Variants in CCDC73 observed in about 807,000 individuals in gnomAD.
The protein encoded by CCDC73 is coiled-coil domain-containing protein 73.
In CCDC73, 95 loss-of-function variants were observed where a neutral mutation model predicts 116.5. That is an observed-to-expected ratio of 0.82 (90% confidence interval 0.69 to 0.97). The LOEUF is 0.97. Ranked by LOEUF, CCDC73 falls within the 50% of genes least tolerant of loss-of-function variation. The pLI, the probability that CCDC73 is intolerant of heterozygous loss-of-function variation, is 0.00. For synonymous variants in CCDC73, 398 were observed against 401.3 expected (o/e 0.99, Z 0.10); for missense variants, 1,066 against 1,206.8 (o/e 0.88, Z 1.73).
At chr11:32,667,159 G>A (rs934044246) in intron 9 of CCDC73, among the ~76,000 whole-genome samples, 7 of 152,192 alleles carry the variant, frequency 4.6e-5, no homozygotes, top group South Asian at 4.1e-4. Context: ...CTCAAACTCC[G>A]TGCTGGGAGA....
At chr11:32,647,331 A>T (rs1855787633) in intron 12 of CCDC73, among the ~76,000 whole-genome samples, 1 of 152,112 alleles carries the variant, frequency 6.6e-6, no homozygotes, top group South Asian at 2.1e-4. Context: ...AAACAACCAG[A>T]TCTCGTGAAA....
intron 2 of CCDC73, among the ~76,000 whole-genome samples, chr11:32,743,022 T>C (rs902909167): frequency 2.0e-5 from 3 of 152,220 alleles, no homozygotes; most frequent in Admixed American, 1.3e-4. Context: ...TATATATCTG[T>C]TTTGGTACCA....
At chr11:32,639,665 T>C (rs560380881) in intron 13 of CCDC73, among the ~76,000 whole-genome samples, 29 of 152,260 alleles carry the variant, frequency 1.9e-4, no homozygotes, top group African/African-American at 6.5e-4. Context: ...GCCAGGTTTG[T>C]CTTGAACTCC....
chr11:32,611,073 C>A (rs1180584726), intron 17 of CCDC73, 59 bp downstream of exon 17: 2 of 1,566,966 alleles, frequency 1.3e-6, no homozygotes, highest in Non-Finnish European at 1.7e-6. Context: ...TACAGTTCTA[C>A]ACATATCTGT....
intron 3 of CCDC73, among the ~76,000 whole-genome samples, chr11:32,704,143 G>A (rs1202912430): frequency 7.9e-5 from 12 of 152,270 alleles, no homozygotes; most frequent in East Asian, 7.7e-4. Context: ...CTAAGTTGGC[G>A]GGGCAGGAGC....
intron 1 of CCDC73, among the ~76,000 whole-genome samples, chr11:32,760,986 T>G (rs1850386946): frequency 6.6e-6 from 1 of 152,230 alleles, no homozygotes; most frequent in South Asian, 2.1e-4. Context: ...TGCATGTGTC[T>G]GTGTGTATAT....
chr11:32,747,503 C>A (rs545650830), intron 2 of CCDC73, among the ~76,000 whole-genome samples: 1 of 152,350 alleles, frequency 6.6e-6, no homozygotes, highest in East Asian at 1.9e-4. Context: ...AAGCTATCTG[C>A]TGCCTTTTGT....
chr11:32,830,206 A>AG, the CCDC73 span: 1 of 1,072,822 alleles, frequency 9.3e-7, no homozygotes, highest in Non-Finnish European at 1.1e-6. Context: ...CTCGGCGGGG[A>AG]GGGGGTTACC....
intron 14 of CCDC73, among the ~76,000 whole-genome samples, chr11:32,628,462 A>C (rs1394005113): frequency 1.3e-5 from 2 of 152,222 alleles, no homozygotes; most frequent in Non-Finnish European, 1.5e-5. Flanking sequence ...GTAAAAGTCC[A>C]TGAAGACTTG....
In CCDC73 at chr11:32,699,237, G is replaced by A. The variant is rs77420535; in HGVS notation, c.390+14C>T. On this transcript the variant is annotated intron_variant, in intron 6 of 17. Coordinates refer to ENST00000335185, the MANE Select transcript of CCDC73 (RefSeq NM_001008391.4). Reference sequence around the variant, plus strand: ...TACCAAACTACTTTTTAAACAATACGTAGTTATTTTTACCTGTAGTGCTTT... The same window carrying A: ...TACCAAACTACTTTTTAAACAATACATAGTTATTTTTACCTGTAGTGCTTT... 1,434 of 1,568,056 alleles carry A rather than the reference G, an allele frequency of 9.1e-4. 9 individuals are homozygous for A. The African/African-American group carries it at 0.017, about 18-fold the overall frequency.
chr11:32,660,028 A>T (rs1321363418), intron 9 of CCDC73, among the ~76,000 whole-genome samples: 1 of 152,104 alleles, frequency 6.6e-6, no homozygotes, highest in Non-Finnish European at 1.5e-5. Flanking sequence ...TTGGAGACGG[A>T]ATGAGGTGGA....
chr11:32,768,957 C>G lies in CCDC73; in HGVS notation c.-15-8699G>C, dbSNP rs888483982. On this transcript the variant is annotated intron_variant, in intron 1 of 17. Coordinates refer to ENST00000335185, the MANE Select transcript of CCDC73 (RefSeq NM_001008391.4). ...AGGATATCCAAATGGCCAATACACC[C>G]AGGAAAAGGTACTAGCTTCATTAGT... Among the ~76,000 whole-genome samples, 8 of 152,272 alleles carry G rather than the reference C, an allele frequency of 5.3e-5. 1 individual carries two copies. Among genetic ancestry groups the G allele is most frequent in the Admixed American group, 3.3e-4 (5 of 15,290 alleles).
intron 2 of CCDC73, among the ~76,000 whole-genome samples, chr11:32,745,279 G>C (rs1033321060): frequency 6.6e-6 from 1 of 151,988 alleles, no homozygotes; most frequent in African/African-American, 2.4e-5. Context: ...ACAGTTTGTT[G>C]TGATTTCTGT....
At chr11:32,659,481 G>A (rs898463192) in intron 9 of CCDC73, among the ~76,000 whole-genome samples, 1 of 152,162 alleles carries the variant, frequency 6.6e-6, no homozygotes, top group Non-Finnish European at 1.5e-5. Context: ...TCCTTACAGA[G>A]TTTTGGAAGA....
At chr11:32,722,559 A>C (rs1849999085) in intron 2 of CCDC73, among the ~76,000 whole-genome samples, 1 of 152,226 alleles carries the variant, frequency 6.6e-6, no homozygotes, top group Admixed American at 6.5e-5. Flanking sequence ...AAATGAGGAG[A>C]GATTACAATC....
At chr11:32,814,490 AG>A in the CCDC73 span, among the ~76,000 whole-genome samples, 1 of 152,220 alleles carries the variant, frequency 6.6e-6, no homozygotes, top group African/African-American at 2.4e-5. Context: ...AAAGAAAGAA[AG>A]CCCCTAAGAT....
intron 6 of CCDC73, among the ~76,000 whole-genome samples, chr11:32,692,912 T>G (rs1338020663): frequency 1.3e-5 from 2 of 152,232 alleles, no homozygotes; most frequent in African/African-American, 4.8e-5. Context: ...CTAAGCATAC[T>G]GTTTTCATAA....
intron 3 of CCDC73, among the ~76,000 whole-genome samples, chr11:32,709,094 T>C (rs1849878129): frequency 6.6e-6 from 1 of 152,202 alleles, no homozygotes; most frequent in Non-Finnish European, 1.5e-5. Context: ...ATGATTTTGC[T>C]GAGGGTTTTA....
intron 1 of CCDC73, among the ~76,000 whole-genome samples, chr11:32,773,393 T>C (rs142456602): frequency 0.011 from 1,697 of 152,186 alleles, 28 homozygotes; most frequent in African/African-American, 0.038. Flanking sequence ...TACCAAAAAT[T>C]ATTGAATTGC....
Sources: gnomAD v4.1 joint callset for allele counts (sites outside exome capture counted in the v4.1 genomes callset) on GRCh38, gnomAD v4.1.1 for gene constraint, MANE v1.5 for transcripts, NCBI Gene and HGNC (gene_info 2026-07-23, HGNC 2026-07-21) for gene names.